The following ARHGAP32 variants were observed in gnomAD, a reference collection of about 807,000 sequenced individuals.
ARHGAP32 encodes the protein rho GTPase-activating protein 32.
Under a neutral mutation model 186.5 loss-of-function variants are expected in ARHGAP32, and 51 were observed. The observed-to-expected ratio is 0.27, with a 90% CI of 0.22 to 0.35. The LOEUF (loss-of-function observed/expected upper bound fraction) is 0.35, where lower values mean the gene tolerates loss of function less well. Ranked by LOEUF, ARHGAP32 falls within the 10% of genes least tolerant of loss-of-function variation. ARHGAP32 has a pLI of 1.00. For missense variants in ARHGAP32, 2,186 were observed against 2,623.5 expected, an observed-to-expected ratio of 0.83 and a Z score of 3.64; for synonymous variants, 950 against 964.3, an observed-to-expected ratio of 0.99 and a Z score of 0.27.
intron 2 of ARHGAP32, among the ~76,000 whole-genome samples, chr11:129,143,114 A>T (rs1943096460): frequency 7.9e-6 from 1 of 125,904 alleles, no homozygotes; most frequent in Non-Finnish European, 1.7e-5. Flanking sequence ...CGAGATTTTG[A>T]TACAAAATTT....
At chr11:129,144,147 T>G (rs952787751) in intron 2 of ARHGAP32, among the ~76,000 whole-genome samples, 2 of 152,200 alleles carry the variant, frequency 1.3e-5, no homozygotes, top group African/African-American at 2.4e-5. Context: ...TATAACAAAA[T>G]AGACTTAATG....
chr11:129,263,656 G>A (rs905269211), intron 1 of ARHGAP32, among the ~76,000 whole-genome samples: 1 of 149,034 alleles, frequency 6.7e-6, no homozygotes, highest in African/African-American at 2.5e-5. Flanking sequence ...GAGAAAGAAG[G>A]AAGAAGGAAG....
chr11:129,267,618 A>C (rs1251368713), intron 1 of ARHGAP32, among the ~76,000 whole-genome samples: 1 of 152,254 alleles, frequency 6.6e-6, no homozygotes, highest in Non-Finnish European at 1.5e-5. Context: ...TTATTTGATA[A>C]AATCAGCAAT....
chr11:129,085,807 C>T (rs1941370178), intron 6 of ARHGAP32, among the ~76,000 whole-genome samples: 2 of 151,952 alleles, frequency 1.3e-5, no homozygotes, highest in African/African-American at 2.4e-5. Context: ...TCCTGGCTAA[C>T]ATGGTGAAAC....
chr11:129,105,711 T>C (rs1942030229), intron 5 of ARHGAP32, among the ~76,000 whole-genome samples: 1 of 151,990 alleles, frequency 6.6e-6, no homozygotes, highest in Non-Finnish European at 1.5e-5. Context: ...ACTATAATAT[T>C]CAAATGTACA....
At chr11:129,174,206 T>A (rs1943844009) in intron 1 of ARHGAP32, among the ~76,000 whole-genome samples, 1 of 152,160 alleles carries the variant, frequency 6.6e-6, no homozygotes, top group African/African-American at 2.4e-5. Flanking sequence ...ATCGGTTCAC[T>A]CCCACCCAAA....
chr11:129,058,707 C>T (rs139921104), intron 10 of ARHGAP32, among the ~76,000 whole-genome samples: 2 of 152,126 alleles, frequency 1.3e-5, no homozygotes, highest in Non-Finnish European at 2.9e-5. Context: ...TGAGGTTCTG[C>T]GCATGATTCT....
At chr11:129,108,416 A>G (rs1406793109) in intron 5 of ARHGAP32, among the ~76,000 whole-genome samples, 3 of 152,210 alleles carry the variant, frequency 2.0e-5, no homozygotes, top group Non-Finnish European at 4.4e-5. Context: ...AAATGAGAAA[A>G]TTCATCAAGA....
intron 10 of ARHGAP32, among the ~76,000 whole-genome samples, chr11:129,058,670 C>A (rs1368291022): frequency 6.6e-6 from 1 of 152,208 alleles, no homozygotes; most frequent in African/African-American, 2.4e-5. Flanking sequence ...CCAATCAGGG[C>A]AGCTCCATGG....
At chr11:129,221,159 G>A (rs529084101) in intron 1 of ARHGAP32, among the ~76,000 whole-genome samples, 4 of 152,216 alleles carry the variant, frequency 2.6e-5, no homozygotes, top group African/African-American at 9.6e-5. Context: ...AATTTTCCCA[G>A]TATGATATAA....
At chr11:129,138,078 T>G (rs1942972470) in intron 2 of ARHGAP32, among the ~76,000 whole-genome samples, 1 of 151,806 alleles carries the variant, frequency 6.6e-6, no homozygotes, top group Admixed American at 6.6e-5. Context: ...ACAAACTGAG[T>G]GACAGAATTC....
intron 1 of ARHGAP32, among the ~76,000 whole-genome samples, chr11:129,267,868 G>A (rs553036137): frequency 5.3e-5 from 8 of 152,294 alleles, no homozygotes; most frequent in Admixed American, 2.0e-4. Flanking sequence ...CACATGGTGA[G>A]AGAGGAAGCA....
intron 21 of ARHGAP32, chr11:128,973,679 A>C (rs554162092): frequency 5.4e-6 from 3 of 550,776 alleles, no homozygotes; most frequent in East Asian, 3.0e-5. Context: ...ATGGGGGGGA[A>C]AAAAAGCATG....
chr11:129,045,135 CACTA>C (rs1939757769), intron 10 of ARHGAP32, among the ~76,000 whole-genome samples: 1 of 152,190 alleles, frequency 6.6e-6, no homozygotes, highest in African/African-American at 2.4e-5. Context: ...AGTGTAATAT[CACTA>C]ACTACTAGCT....
rs541349071 is a variant in ARHGAP32, at chr11:129,155,515, C to T, written c.225+8804G>A. Among the ~76,000 whole-genome samples, 21 of 152,216 alleles carry T rather than the reference C, an allele frequency of 1.4e-4. No homozygotes were observed. The South Asian group carries it at 3.9e-3, about 29-fold the overall frequency. On this transcript the variant is annotated intron_variant, in intron 2 of 22. Coordinates refer to ENST00000682385, the MANE Select transcript of ARHGAP32 (RefSeq NM_001378024.1). ...ATATTCTCAACTCACAGGAAAGTAA[C>T]ACTCTGAAAAATTAGAAAATTCTAA... is the stretch of plus-strand genomic sequence containing the variant.
chr11:129,064,932 G>C lies in ARHGAP32; in HGVS notation c.671C>G (p.Ser224Trp), dbSNP rs558922787. 6.3e-7 allele frequency: 1 copy of C among 1,580,812 alleles called. No homozygotes were observed. Among genetic ancestry groups the C allele is most frequent in the Non-Finnish European group, 8.6e-7 (1 of 1,163,068 alleles). ...GTAAGCCATAAGCATCTGAGTGACC[G>C]ACTGAAAAGAAAAAGATCAGTGTAA... ...RSDTLKDSPE[S>W]VTQMLMAYLS... Residue 224 changes from serine to tryptophan, a missense_variant and splice_region_variant, in exon 8 of 23, where the codon TCG (serine) becomes TGG (tryptophan). Around this residue, in one of 5 missense-constraint regions of ARHGAP32, gnomAD observed 308 missense variants for 596.5 expected, o/e 0.52. Coordinates refer to ENST00000682385, the MANE Select transcript of ARHGAP32 (RefSeq NM_001378024.1).
At chr11:129,017,515 G>A (rs192358381) in intron 11 of ARHGAP32, among the ~76,000 whole-genome samples, 1 of 151,400 alleles carries the variant, frequency 6.6e-6, no homozygotes, top group East Asian at 1.9e-4. Flanking sequence ...ATTATTGTGA[G>A]AATTAAATGA....
intron 11 of ARHGAP32, among the ~76,000 whole-genome samples, chr11:129,002,621 T>C (rs1946392618): frequency 6.6e-6 from 1 of 152,154 alleles, no homozygotes; most frequent in Non-Finnish European, 1.5e-5. Context: ...GAACTTCCAA[T>C]ACTATGTTAA....
intron 17 of ARHGAP32, 140 bp from the exon 18 acceptor site, chr11:128,980,888 C>T (rs1311532929): frequency 2.2e-5 from 13 of 595,588 alleles, no homozygotes; most frequent in Non-Finnish European, 3.1e-5. Context: ...AACCATAGTG[C>T]TTTATATTAA....
Sources: allele counts gnomAD v4.1 joint callset (sites outside exome capture counted in the v4.1 genomes callset), GRCh38; gene constraint gnomAD v4.1.1; regional missense constraint gnomAD v4.1.1; transcripts MANE v1.5; gene names NCBI Gene and HGNC (gene_info 2026-07-23, HGNC 2026-07-21).